ASAP1: variants seen among roughly 807,000 people sequenced by gnomAD.
ASAP1 encodes ArfGAP with SH3 domain, ankyrin repeat and PH domain 1.
Under a neutral mutation model 145.2 loss-of-function variants are expected in ASAP1, and 43 were observed. The ratio of observed to expected loss-of-function variants is 0.30; its 90% CI spans 0.23 to 0.38. The LOEUF is 0.38. ASAP1 is among the 10% of genes least tolerant of loss of function. The pLI, the probability that ASAP1 is intolerant of heterozygous loss-of-function variation, is 1.00. For synonymous variants in ASAP1, 546 were observed against 515.5 expected, an observed-to-expected ratio of 1.06 and a Z score of -0.80; for missense variants, 1,018 against 1,355.3, an observed-to-expected ratio of 0.75 and a Z score of 3.91.
rs1230151527 is a variant in ASAP1 at position 130,071,011 on chromosome 8, G to GGAGAGAGAGAGAGAGA, written c.2701+5321_2701+5336dup. On this transcript the variant is annotated intron_variant, in intron 27 of 29. Coordinates refer to ENST00000518721, the MANE Select transcript of ASAP1 (RefSeq NM_018482.4). ...AGAGAGAGAGAGAGAGGGGAGGGGG[G>GGAGAGAGAGAGAGAGA]GAGAGAGAGAGAGAGAGAGAGAGAG... 2.1e-3 allele frequency among the ~76,000 whole-genome samples: 24 copies of GGAGAGAGAGAGAGAGA among 11,438 alleles called. 3 individuals carry two copies. The highest frequency in any genetic ancestry group is 2.0e-3 in the Non-Finnish European group (14 of 7,110). The allele number at this position is 11,438 out of a possible 152,430, so 7.5% of individuals were successfully genotyped here.
chr8:130,084,834 T>C (rs957179173), intron 25 of ASAP1: 1 of 151,822 alleles, frequency 6.6e-6, no homozygotes, highest in Non-Finnish European at 1.5e-5. Context: ...TAAGTAAATA[T>C]GCATGTCTCA....
At chr8:130,125,908 T>A (rs747874662) in intron 17 of ASAP1, 48 bp downstream of exon 17, 1 of 1,545,760 alleles carries the variant, frequency 6.5e-7, no homozygotes, top group Admixed American at 2.2e-5. Context: ...ATATTAAAAT[T>A]ACTCATGACA....
At chr8:130,137,834 C>T (rs2097598808) in intron 13 of ASAP1, among the ~76,000 whole-genome samples, 1 of 152,188 alleles carries the variant, frequency 6.6e-6, no homozygotes, top group Admixed American at 6.5e-5. Context: ...GGTCAAAACA[C>T]TCTCCTGCCT....
Position 130,101,732 on chromosome 8 carries a change from A to ATTTTTTTTTTTTTT in ASAP1, c.2402-9603_2402-9590dup, listed in dbSNP as rs59778799. 4.2e-3 allele frequency among the ~76,000 whole-genome samples: 362 copies of ATTTTTTTTTTTTTT among 86,902 alleles called. 53 individuals carry two copies. The highest frequency in any genetic ancestry group is 0.019 in the African/African-American group (336 of 18,074). The allele number at this position is 86,902 out of a possible 152,430, so 57.0% of individuals were successfully genotyped here. On this transcript the variant is annotated intron_variant, in intron 24 of 29. Coordinates refer to ENST00000518721, the MANE Select transcript of ASAP1 (RefSeq NM_018482.4). ...AGGCATGTGCTACCACACCTGGTTA[A>ATTTTTTTTTTTTTT]TTTTTTTTTTTTTTTTTTTTGCAGA...
At position 130,060,667 on chromosome 8, in the gene ASAP1, G is replaced by C; in HGVS notation, c.3104C>G (p.Ala1035Gly). The C allele has an allele frequency of 1.2e-6, 2 of 1,614,180 alleles. No individual in the cohort carries two copies. Among genetic ancestry groups the C allele is most frequent in the Non-Finnish European group, 1.7e-6 (2 of 1,180,038 alleles). ...GTCTTCAGATGCTTGCTTTTGGATG[G>C]CGTCTCTGGACTGCACATTTGGGGA... ...DLSPNVQSRDAIQKQASEDSN... is the reference protein window; with the variant it reads ...DLSPNVQSRDGIQKQASEDSN... Residue 1035 changes from alanine to glycine, a missense_variant, in exon 28 of 30, where the codon GCC (alanine) becomes GGC (glycine). Coordinates refer to ENST00000518721, the MANE Select transcript of ASAP1 (RefSeq NM_018482.4).
At chr8:130,241,095 G>A (rs960081618) in intron 3 of ASAP1, among the ~76,000 whole-genome samples, 6 of 152,110 alleles carry the variant, frequency 3.9e-5, no homozygotes, top group Admixed American at 6.6e-5. Flanking sequence ...TCTCAGAGAC[G>A]CGTATGAATC....
intron 3 of ASAP1, among the ~76,000 whole-genome samples, chr8:130,252,331 C>T (rs1334490508): frequency 2.6e-5 from 4 of 152,286 alleles, no homozygotes; most frequent in South Asian, 2.1e-4. Context: ...AGATGTTTAA[C>T]AGCTGTGCTA....
intron 1 of ASAP1, among the ~76,000 whole-genome samples, chr8:130,419,736 G>A (rs77165934): frequency 0.016 from 2,401 of 152,186 alleles, 62 homozygotes; most frequent in African/African-American, 0.055. Flanking sequence ...TGAGGCATCC[G>A]ATCTCTTCCC....
At chr8:130,352,269 T>C (rs58498075) in intron 3 of ASAP1, among the ~76,000 whole-genome samples, 1,624 of 151,614 alleles carry the variant, frequency 0.011, 28 homozygotes, top group African/African-American at 0.038. Context: ...ATGGGCTCCT[T>C]AAGTTTAGCA....
chr8:130,228,259 G>A (rs146214341), intron 4 of ASAP1, among the ~76,000 whole-genome samples: 19 of 152,224 alleles, frequency 1.2e-4, no homozygotes, highest in African/African-American at 9.6e-5. Context: ...AGGTGGCATA[G>A]AACACCCCCC....
At chr8:130,413,981 T>C (rs1214810370) in intron 1 of ASAP1, among the ~76,000 whole-genome samples, 1 of 152,232 alleles carries the variant, frequency 6.6e-6, no homozygotes, top group East Asian at 1.9e-4. Context: ...TTTCCTCTGC[T>C]GTAAGGCAGA....
At chr8:130,214,296 G>A (rs1037323212) in intron 5 of ASAP1, among the ~76,000 whole-genome samples, 5 of 152,100 alleles carry the variant, frequency 3.3e-5, no homozygotes, top group Admixed American at 1.3e-4. Context: ...TCTCAGCTTC[G>A]ATAAATCTAC....
intron 1 of ASAP1, among the ~76,000 whole-genome samples, chr8:130,417,583 A>G (rs1461780530): frequency 1.3e-5 from 2 of 151,908 alleles, no homozygotes; most frequent in Non-Finnish European, 2.9e-5. Context: ...GACATGCTTC[A>G]TGAGACAGAA....
At chr8:130,156,764 C>A (rs1586467232) in intron 12 of ASAP1, among the ~76,000 whole-genome samples, 1 of 152,164 alleles carries the variant, frequency 6.6e-6, no homozygotes, top group African/African-American at 2.4e-5. Context: ...TAAAAGATGT[C>A]AAATGAGATG....
At chr8:130,109,337 C>T (rs533421274) in intron 24 of ASAP1, among the ~76,000 whole-genome samples, 83 of 152,166 alleles carry the variant, frequency 5.5e-4, no homozygotes, top group Non-Finnish European at 9.9e-4. Context: ...CTTTGCTTGA[C>T]GGTAATTTAG....
intron 1 of ASAP1, among the ~76,000 whole-genome samples, chr8:130,437,429 T>C (rs11776732): frequency 0.035 from 5,278 of 152,278 alleles, 124 homozygotes; most frequent in Middle Eastern, 0.082. Flanking sequence ...GTTAAGTCAG[T>C]ATGGTCAGTG....
chr8:130,354,786 C>G (rs1322539799), intron 3 of ASAP1, among the ~76,000 whole-genome samples: 1 of 152,192 alleles, frequency 6.6e-6, no homozygotes, highest in Non-Finnish European at 1.5e-5. Flanking sequence ...AAGGTAGCCA[C>G]TCATTGTGTG....
chr8:130,214,211 A>G (rs572722029), intron 5 of ASAP1, among the ~76,000 whole-genome samples: 85 of 152,262 alleles, frequency 5.6e-4, no homozygotes, highest in South Asian at 1.0e-3. Flanking sequence ...TAAAAAGCAA[A>G]AGTTGCTAAA....
intron 27 of ASAP1, among the ~76,000 whole-genome samples, chr8:130,071,676 A>G (rs1389050968): frequency 1.3e-5 from 2 of 152,220 alleles, no homozygotes; most frequent in Non-Finnish European, 2.9e-5. Context: ...TCTTAGCTCA[A>G]TGATTCCACA....
Sources: allele counts gnomAD v4.1 joint callset (sites outside exome capture counted in the v4.1 genomes callset), GRCh38; gene constraint gnomAD v4.1.1; transcripts MANE v1.5; gene names NCBI Gene and HGNC (gene_info 2026-07-23, HGNC 2026-07-21).